OSBPL5: variants seen among roughly 807,000 people sequenced by gnomAD.
The protein encoded by OSBPL5 is oxysterol binding protein like 5.
Under a neutral mutation model 111.2 loss-of-function variants are expected in OSBPL5, and 71 were observed. That is an observed-to-expected ratio of 0.64 (90% CI 0.53 to 0.78). OSBPL5 has a LOEUF of 0.78. OSBPL5 is among the 30% of genes least tolerant of loss of function. OSBPL5 has a pLI of 0.00. For missense variants in OSBPL5, 1,210 were observed against 1,189.3 expected (o/e 1.02, Z -0.26); for synonymous variants, 549 against 513.9 (o/e 1.07, Z -0.93).
At chr11:3,097,832 C>T (rs879338938) in intron 14 of OSBPL5, among the ~76,000 whole-genome samples, 17 of 152,230 alleles carry the variant, frequency 1.1e-4, no homozygotes, top group Admixed American at 9.8e-4. Flanking sequence ...TTTGGGAGGC[C>T]GAGGCAGGCG....
rs1325522540 is a variant in OSBPL5, at chr11:3,126,890, A to C, written c.137-335T>G. Among the ~76,000 whole-genome samples, 1 of 152,166 alleles carries C rather than the reference A, an allele frequency of 6.6e-6. No homozygotes were observed. Among genetic ancestry groups the C allele is most frequent in the Non-Finnish European group, 1.5e-5 (1 of 68,032 alleles). ...AGGCCAGAGTCCCCAGTTTTCAGAA[A>C]AAGAATGTGACATCCAGTCTCAAAG... On this transcript the variant is annotated intron_variant, in intron 2 of 21. Coordinates refer to ENST00000263650, the MANE Select transcript of OSBPL5 (RefSeq NM_020896.4). The surrounding 1 kb of genome is among the most constrained non-coding windows in gnomAD (Gnocchi z 6.5).
In OSBPL5 at chr11:3,104,106, A is replaced by G. The variant is rs898070950; in HGVS notation, c.1244+87T>C. 3 of 1,431,272 alleles carry G rather than the reference A, an allele frequency of 2.1e-6. No homozygotes were observed. Among genetic ancestry groups the G allele is most frequent in the Admixed American group, 2.1e-5 (1 of 48,388 alleles). 88.7% of individuals were successfully genotyped at this position (1,431,272 alleles called of 1,614,324 possible). On this transcript the variant is annotated intron_variant, in intron 10 of 21. Transcript: ENST00000263650. This position sits in a 1 kb window ranked among gnomAD's most constrained non-coding sequence, Gnocchi z 5.0. ...GCCATGGGATTCTCTGGAAGCCCCCACAGGGCAGGTAGGGGCTGGGGGTGC... is the reference window on the plus strand; with the variant it reads ...GCCATGGGATTCTCTGGAAGCCCCCGCAGGGCAGGTAGGGGCTGGGGGTGC...
chr11:3,122,719 G>A (rs1265225565), intron 3 of OSBPL5, among the ~76,000 whole-genome samples: 1 of 152,230 alleles, frequency 6.6e-6, no homozygotes, highest in Admixed American at 6.5e-5. Flanking sequence ...TCAGGAAGGA[G>A]GGAAATGTGG....
At chr11:3,091,887 CA>C (rs1216760166) in intron 19 of OSBPL5, among the ~76,000 whole-genome samples, 2 of 152,310 alleles carry the variant, frequency 1.3e-5, no homozygotes, top group East Asian at 1.9e-4. Flanking sequence ...CCTCTGCACG[CA>C]GTAGGTGCAC....
chr11:3,128,318 G>A (rs1218863633), intron 2 of OSBPL5, among the ~76,000 whole-genome samples: 1 of 152,220 alleles, frequency 6.6e-6, no homozygotes, highest in Non-Finnish European at 1.5e-5. Flanking sequence ...CAGAGCTGGG[G>A]AGAGGTCCCC....
rs201287003 is a variant in OSBPL5, at chr11:3,104,187, G to A, written c.1244+6C>T. 1.6e-5 allele frequency: 26 copies of A among 1,597,764 alleles called. No homozygotes were observed. The highest frequency in any genetic ancestry group is 8.8e-5 in the South Asian group (8 of 90,522). On this transcript the variant is annotated splice_donor_region_variant and intron_variant, in intron 10 of 21. Transcript: ENST00000263650. This position sits in a 1 kb window ranked among gnomAD's most constrained non-coding sequence, Gnocchi z 5.0. ...TGTGGGGTGCCCCTCCCGGCATGGC[G>A]CGCACCTGGAGAGCAGGTCTGCGTG... is the stretch of plus-strand genomic sequence containing the variant.
At chr11:3,090,362 C>T (rs544719396) in intron 20 of OSBPL5, among the ~76,000 whole-genome samples, 196 bp downstream of exon 20, 70 of 152,328 alleles carry the variant, frequency 4.6e-4, no homozygotes, top group African/African-American at 1.6e-3. Context: ...CCATTCCCCC[C>T]GTTGGCCCTT....
intron 6 of OSBPL5, 128 bp downstream of exon 6, chr11:3,120,293 G>C (rs1012665641): frequency 1.4e-5 from 16 of 1,156,638 alleles, no homozygotes; most frequent in African/African-American, 3.1e-5. Context: ...GCTCAGAGAA[G>C]GTGAGACACC....
chr11:3,123,722 T>C (rs977478041), intron 3 of OSBPL5, among the ~76,000 whole-genome samples: 2 of 152,246 alleles, frequency 1.3e-5, no homozygotes, highest in South Asian at 2.1e-4. Context: ...TGGTGCTAAG[T>C]ACAGAGCTAA....
At position 3,107,443 on chromosome 11, in the gene OSBPL5, A is replaced by G; in HGVS notation, c.879T>C (p.Ser293=). The G allele has an allele frequency of 6.2e-7, 1 of 1,613,996 alleles. No homozygotes were observed. Residue 293 remains serine, a synonymous_variant, in exon 9 of 22, where the codon TCT becomes TCC. Transcript: ENST00000263650. This position sits in a 1 kb window ranked among gnomAD's most constrained non-coding sequence, Gnocchi z 6.1. ...CTGAGAATGCATCGTTCTCCAGGGA[A>G]GACCCGTTCAGTCTGGAAGGTGGAT... The part of the protein sequence containing the change: ...PDQDLFPLNG[S]SLENDAFSDK...
At position 3,114,468 on chromosome 11, in the gene OSBPL5, TA is replaced by T. The variant is rs995923909; in HGVS notation, c.691+5078del. 6.0e-3 allele frequency among the ~76,000 whole-genome samples: 893 copies of T among 149,936 alleles called. 12 individuals are homozygous for T. Among genetic ancestry groups the T allele is most frequent in the African/African-American group, 0.02 (814 of 40,838 alleles). On this transcript the variant is annotated intron_variant, in intron 7 of 21. Transcript: ENST00000263650. Reference sequence around the variant, plus strand: ...TGGAAGTCACAATAAGAGGATCTATTAAAAAAAAACCCTTTTATATGATCAA... The same window carrying T: ...TGGAAGTCACAATAAGAGGATCTATTAAAAAAAACCCTTTTATATGATCAA...
Position 3,090,627 on chromosome 11 carries a change from T to A in OSBPL5, c.2329A>T (p.Ser777Cys). 1.2e-6 allele frequency: 2 copies of A among 1,612,990 alleles called. No homozygotes were observed. Among genetic ancestry groups the A allele is most frequent in the Middle Eastern group, 3.3e-4 (2 of 6,062 alleles). ...QPSGHSQATE[S>C]SGSTPESCPE... ...CAGGACTCAGGCGTGGATCCGCTGC[T>A]CTCCGTGGCCTGGCTGTGGCCGGAG... is the stretch of plus-strand genomic sequence containing the variant. The change falls in exon 20 of 22, where the codon AGC becomes TGC. Residue 777 changes from serine to cysteine, a missense_variant. Ser to Cys is a moderately radical substitution (Grantham distance 112). Coordinates refer to ENST00000263650, the MANE Select transcript of OSBPL5 (RefSeq NM_020896.4).
intron 1 of OSBPL5, among the ~76,000 whole-genome samples, chr11:3,132,112 C>G (rs1409826001): frequency 6.6e-6 from 1 of 151,858 alleles, no homozygotes; most frequent in East Asian, 1.9e-4. Context: ...AGCTGACCTG[C>G]CTGATTCCAC....
chr11:3,135,710 G>A (rs1845931703), intron 1 of OSBPL5, among the ~76,000 whole-genome samples: 2 of 152,242 alleles, frequency 1.3e-5, no homozygotes, highest in African/African-American at 2.4e-5. Context: ...CCGCCCCGTG[G>A]TGGCAGCGCC....
rs1044324245 is a variant in OSBPL5, at chr11:3,121,179, G to A, written c.403-555C>T. Reference sequence around the variant, plus strand: ...TTCAAGCGATTCTCCTGCCTCAGCCGCCCGAGTAGCTGGGATTACAGGCGC... The same window carrying A: ...TTCAAGCGATTCTCCTGCCTCAGCCACCCGAGTAGCTGGGATTACAGGCGC... On this transcript the variant is annotated intron_variant, in intron 5 of 21. Transcript: ENST00000263650. This position sits in a 1 kb window ranked among gnomAD's most constrained non-coding sequence, Gnocchi z 4.3. 5.3e-5 allele frequency among the ~76,000 whole-genome samples: 8 copies of A among 149,914 alleles called. No individual in the cohort carries two copies. Among genetic ancestry groups the A allele is most frequent in the African/African-American group, 9.8e-5 (4 of 40,736 alleles).
chr11:3,102,426 C>G (rs1280475066), intron 11 of OSBPL5, 145 bp from the exon 12 acceptor site: 1 of 703,960 alleles, frequency 1.4e-6, no homozygotes, highest in Non-Finnish European at 2.5e-6. Flanking sequence ...CTGGGAACAA[C>G]ACCTCACTTC....
intron 7 of OSBPL5, among the ~76,000 whole-genome samples, chr11:3,108,662 C>A (rs944933918): frequency 1.3e-5 from 2 of 152,240 alleles, no homozygotes; most frequent in African/African-American, 4.8e-5. Flanking sequence ...TCCTGTGGGG[C>A]ACGTGTCCAC....
intron 1 of OSBPL5, among the ~76,000 whole-genome samples, chr11:3,137,915 C>T (rs918666362): frequency 2.9e-4 from 44 of 152,368 alleles, no homozygotes; most frequent in African/African-American, 1.0e-3. Flanking sequence ...GCCCCAAATC[C>T]CCTTTGCACT....
intron 20 of OSBPL5, 95 bp from the exon 21 acceptor site, chr11:3,090,043 TCCAGCTCGGG>T (rs908532866): frequency 4.2e-6 from 4 of 950,268 alleles, no homozygotes; most frequent in Non-Finnish European, 6.1e-6. Context: ...CAGGGTCATA[TCCAGCTCGGG>T]CCTCCACCCC....
Sources: allele counts gnomAD v4.1 joint callset (sites outside exome capture counted in the v4.1 genomes callset), GRCh38; gene constraint gnomAD v4.1.1; non-coding constraint Gnocchi (gnomAD v3.1); transcripts MANE v1.5; gene names NCBI Gene and HGNC (gene_info 2026-07-23, HGNC 2026-07-21).